The following PTBP3 variants were observed in gnomAD, a reference collection of about 807,000 sequenced individuals.
PTBP3 encodes the protein polypyrimidine tract binding protein 3, also known as polypyrimidine tract-binding protein 3.
A neutral mutation model predicts 58.7 loss-of-function variants in PTBP3; 20 were observed. The ratio of observed to expected loss-of-function variants is 0.34; its 90% CI spans 0.24 to 0.50. PTBP3 has a LOEUF of 0.50. Ranked by LOEUF, PTBP3 falls within the 20% of genes least tolerant of loss-of-function variation. PTBP3 has a pLI of 0.98. For synonymous variants in PTBP3, 185 were observed against 219.8 expected, an observed-to-expected ratio of 0.84 and a Z score of 1.40; for missense variants, 509 against 637.2, an observed-to-expected ratio of 0.80 and a Z score of 2.17.
At chr9:112,285,142 G>A (rs568310534) in intron 2 of PTBP3, among the ~76,000 whole-genome samples, 48 of 152,342 alleles carry the variant, frequency 3.2e-4, no homozygotes, top group African/African-American at 1.1e-3. Context: ...GGGAGACCTG[G>A]TGGGAGATGG....
chr9:112,318,726 C>T (rs1317226788), intron 1 of PTBP3, among the ~76,000 whole-genome samples: 1 of 151,100 alleles, frequency 6.6e-6, no homozygotes. Context: ...CACTACTGCT[C>T]TCCAGCCTGG....
intron 4 of PTBP3, among the ~76,000 whole-genome samples, chr9:112,265,735 T>G (rs1233053990): frequency 6.6e-6 from 1 of 152,088 alleles, no homozygotes; most frequent in Admixed American, 6.6e-5. Flanking sequence ...GTACATATGA[T>G]CAGCAGGCAT....
At chr9:112,290,672 TAAAA>T (rs141146042) in intron 2 of PTBP3, among the ~76,000 whole-genome samples, 27 of 53,050 alleles carry the variant, frequency 5.1e-4, no homozygotes, top group African/African-American at 1.5e-3. Context: ...ACTCTGTCTT[TAAAA>T]AAAAAAAAAA....
chr9:112,368,379 C>T, the PTBP3 span, among the ~76,000 whole-genome samples: 1 of 152,168 alleles, frequency 6.6e-6, no homozygotes, highest in Non-Finnish European at 1.5e-5. Context: ...CCATGTTGGC[C>T]AGGTTGGTCT....
chr9:112,232,378 G>C (rs1835280761), intron 8 of PTBP3, 140 bp from the exon 9 acceptor site: 1 of 831,716 alleles, frequency 1.2e-6, no homozygotes, highest in Non-Finnish European at 1.8e-6. Flanking sequence ...CTGAAGGCCA[G>C]TTTTCTGCCC....
intron 7 of PTBP3, among the ~76,000 whole-genome samples, chr9:112,248,498 A>C (rs1212092868): frequency 1.3e-5 from 2 of 152,158 alleles, no homozygotes; most frequent in Non-Finnish European, 2.9e-5. Flanking sequence ...TTCGTGTAAT[A>C]AATAAATAAA....
rs369715092 is a variant in PTBP3, at chr9:112,229,133, T to C, written c.1055-661A>G. Among the ~76,000 whole-genome samples the C allele has an allele frequency of 1.5e-3, 230 of 152,346 alleles. 1 individual carries two copies. The highest frequency in any genetic ancestry group is 4.8e-3 in the South Asian group (23 of 4,824). ...AACCAATATTAAAAAACTACAGTTT[T>C]TGAATTTTTAATATATAGATAAAAT... On this transcript the variant is annotated intron_variant, in intron 10 of 13. Coordinates refer to ENST00000374257, the MANE Select transcript of PTBP3 (RefSeq NM_001163788.4).
chr9:112,340,753 C>T, the PTBP3 span, among the ~76,000 whole-genome samples: 5 of 152,068 alleles, frequency 3.3e-5, no homozygotes, highest in Non-Finnish European at 5.9e-5. Flanking sequence ...GTGGTGCACG[C>T]CTGTAATCTC....
chr9:112,254,855 A>T (rs571482126), intron 5 of PTBP3, among the ~76,000 whole-genome samples: 2 of 152,198 alleles, frequency 1.3e-5, no homozygotes, highest in African/African-American at 2.4e-5. Flanking sequence ...TGATCCAGCA[A>T]TTCTATTTCT....
intron 7 of PTBP3, among the ~76,000 whole-genome samples, chr9:112,249,546 A>G (rs1414367067): frequency 6.6e-6 from 1 of 152,132 alleles, no homozygotes; most frequent in East Asian, 1.9e-4. Flanking sequence ...CTTTCACACA[A>G]TATATAAAGT....
rs1403517622 is a variant in PTBP3 at position 112,222,142 on chromosome 9, T to A, written c.*1709A>T. 2.0e-6 allele frequency: 2 copies of A among 985,690 alleles called. No homozygotes were observed. The highest frequency in any genetic ancestry group is 2.4e-6 in the Non-Finnish European group (2 of 829,890). The allele number at this position is 985,690 out of a possible 1,614,324, so 61.1% of individuals were successfully genotyped here. Reference sequence around the variant, plus strand: ...CTTTTAAAAGTTGAGATGAGACACTTTGAGAATCTGAAAAGTGTAAAAGGG... The same window carrying A: ...CTTTTAAAAGTTGAGATGAGACACTATGAGAATCTGAAAAGTGTAAAAGGG... On this transcript the variant is annotated 3_prime_UTR_variant, in exon 14 of 14. Coordinates refer to ENST00000374257, the MANE Select transcript of PTBP3 (RefSeq NM_001163788.4).
At chr9:112,347,341 C>CTTTTTT in the PTBP3 span, among the ~76,000 whole-genome samples, 1 of 130,898 alleles carries the variant, frequency 7.6e-6, no homozygotes, top group African/African-American at 3.0e-5. Flanking sequence ...ACTGGGATAC[C>CTTTTTT]TTTTTTTTTT....
At chr9:112,290,329 A>G (rs942265695) in intron 2 of PTBP3, among the ~76,000 whole-genome samples, 1 of 152,300 alleles carries the variant, frequency 6.6e-6, no homozygotes, top group Admixed American at 6.5e-5. Flanking sequence ...TATGCAAACA[A>G]AAGTCACAAT....
At chr9:112,226,514 TTTTTG>T (rs1241888833) in intron 12 of PTBP3, among the ~76,000 whole-genome samples, 5 of 152,216 alleles carry the variant, frequency 3.3e-5, no homozygotes, top group African/African-American at 1.2e-4. Context: ...AACTGCCATT[TTTTTG>T]TTTTAACAAT....
At chr9:112,343,769 C>T in the PTBP3 span, among the ~76,000 whole-genome samples, 3 of 143,432 alleles carry the variant, frequency 2.1e-5, no homozygotes, top group Non-Finnish European at 4.5e-5. Flanking sequence ...CCAGCCTGGG[C>T]AACAGAGCAA....
chr9:112,248,155 G>C (rs1232033980), intron 7 of PTBP3, among the ~76,000 whole-genome samples: 1 of 151,908 alleles, frequency 6.6e-6, no homozygotes, highest in Non-Finnish European at 1.5e-5. Flanking sequence ...ATATCACAAA[G>C]GATTTCTTAA....
Position 112,222,606 on chromosome 9 carries a change from C to G in PTBP3, c.*1245G>C, listed in dbSNP as rs1834843021. ...AACCATTCACCCTTCCCCACACCGT[C>G]TCTGCACCAAGCACCAAAAATTTGA... On this transcript the variant is annotated 3_prime_UTR_variant, in exon 14 of 14. Coordinates refer to ENST00000374257, the MANE Select transcript of PTBP3 (RefSeq NM_001163788.4). 1.0e-6 allele frequency: 1 copy of G among 985,654 alleles called. No homozygotes were observed. Among genetic ancestry groups the G allele is most frequent in the African/African-American group, 1.7e-5 (1 of 57,210 alleles). 61.1% of individuals were successfully genotyped at this position (985,654 alleles called of 1,614,324 possible). A position where few individuals can be genotyped will look rare whatever the true frequency, so the allele number is the denominator to read the frequency against.
chr9:112,265,717 G>T (rs1388685902), intron 4 of PTBP3, among the ~76,000 whole-genome samples: 1 of 152,190 alleles, frequency 6.6e-6, no homozygotes, highest in South Asian at 2.1e-4. Flanking sequence ...GACTGTGCAT[G>T]AGTGTGTGTA....
chr9:112,278,822 T>G (rs1827734069), intron 2 of PTBP3, among the ~76,000 whole-genome samples: 1 of 152,246 alleles, frequency 6.6e-6, no homozygotes, highest in Non-Finnish European at 1.5e-5. Flanking sequence ...AAATTTTAAT[T>G]TGTTCTTTTC....
Sources: allele counts gnomAD v4.1 joint callset (sites outside exome capture counted in the v4.1 genomes callset), GRCh38; gene constraint gnomAD v4.1.1; transcripts MANE v1.5; gene names NCBI Gene and HGNC (gene_info 2026-07-23, HGNC 2026-07-21).